CACNA1C: variants seen among roughly 807,000 people sequenced by gnomAD.
CACNA1C encodes calcium voltage-gated channel subunit alpha1 C, also known as voltage-dependent L-type calcium channel subunit alpha-1C.
CACNA1C carries 30 observed loss-of-function variants against 229.0 expected under a neutral mutation model. That is an observed-to-expected ratio of 0.13 (90% confidence interval 0.10 to 0.18). The LOEUF (loss-of-function observed/expected upper bound fraction) is 0.18. Ranked by LOEUF, CACNA1C falls within the 10% of genes least tolerant of loss-of-function variation. The pLI, the probability that CACNA1C is intolerant of heterozygous loss-of-function variation, is 1.00. For synonymous variants in CACNA1C, 1,114 were observed against 1,132.5 expected (o/e 0.98, Z 0.33); for missense variants, 1,658 against 2,845.0 (o/e 0.58, Z 9.49).
At chr12:2,444,225 G>A (rs944947253) in intron 3 of CACNA1C, among the ~76,000 whole-genome samples, 9 of 152,206 alleles carry the variant, frequency 5.9e-5, no homozygotes, top group Admixed American at 1.3e-4. Flanking sequence ...TGGCTTGAAG[G>A]TCAGAAAGTC....
intron 3 of CACNA1C, among the ~76,000 whole-genome samples, chr12:2,386,383 C>T (rs548068284): frequency 6.6e-6 from 1 of 152,284 alleles, no homozygotes; most frequent in South Asian, 2.1e-4. Context: ...GAGCAAGCCT[C>T]ATCTCTTAGA....
intron 11 of CACNA1C, among the ~76,000 whole-genome samples, chr12:2,565,373 A>G (rs1262370956): frequency 2.6e-5 from 4 of 151,130 alleles, no homozygotes; most frequent in Non-Finnish European, 4.4e-5. Context: ...AGGCTGAGGC[A>G]GGAGAATGGC....
intron 11 of CACNA1C, among the ~76,000 whole-genome samples, chr12:2,562,172 CAG>C (rs948082208): frequency 6.6e-6 from 1 of 151,798 alleles, no homozygotes; most frequent in Non-Finnish European, 1.5e-5. Context: ...GGCCACTCCT[CAG>C]GGGTCTGTGC....
At chr12:2,070,685 T>C (rs1047795166) in intron 1 of CACNA1C, among the ~76,000 whole-genome samples, 1 of 152,198 alleles carries the variant, frequency 6.6e-6, no homozygotes, top group Non-Finnish European at 1.5e-5. Context: ...TGAAAAGATA[T>C]ATTAGTGTTA....
chr12:2,661,274 CACACAT>C (rs1456695911), intron 34 of CACNA1C, among the ~76,000 whole-genome samples: 214 of 139,724 alleles, frequency 1.5e-3, no homozygotes, highest in Middle Eastern at 7.2e-3. Context: ...AACACATACA[CACACAT>C]ACACACACAC....
At chr12:2,344,732 C>T (rs1383500543) in intron 3 of CACNA1C, among the ~76,000 whole-genome samples, 1 of 152,042 alleles carries the variant, frequency 6.6e-6, no homozygotes, top group Non-Finnish European at 1.5e-5. Flanking sequence ...ACTGCAGGCA[C>T]TTGCCCAATG....
intron 7 of CACNA1C, among the ~76,000 whole-genome samples, chr12:2,499,853 T>C (rs1401017871): frequency 1.3e-5 from 2 of 152,176 alleles, no homozygotes; most frequent in Non-Finnish European, 2.9e-5. Context: ...AATAGCTCCA[T>C]TTCAGCTGCT....
At chr12:2,171,478 C>G (rs1446999804) in intron 3 of CACNA1C, among the ~76,000 whole-genome samples, 3 of 152,264 alleles carry the variant, frequency 2.0e-5, no homozygotes, top group Admixed American at 2.0e-4. Flanking sequence ...AGCTCACAGA[C>G]GGGGAGGTGG....
intron 30 of CACNA1C, among the ~76,000 whole-genome samples, chr12:2,643,121 G>A (rs146187009): frequency 6.6e-5 from 10 of 152,334 alleles, no homozygotes; most frequent in East Asian, 1.9e-4. Context: ...AAGACCCCTC[G>A]AGGGGAGTTC....
intron 1 of CACNA1C, among the ~76,000 whole-genome samples, chr12:1,978,024 T>C (rs753342821): frequency 1.8e-4 from 27 of 152,174 alleles, no homozygotes; most frequent in Non-Finnish European, 3.7e-4. Context: ...TGCTAGGAAA[T>C]TGACATTTAA....
chr12:2,148,119 TTAGAG>T (rs2094893610), intron 3 of CACNA1C, among the ~76,000 whole-genome samples: 1 of 151,274 alleles, frequency 6.6e-6, no homozygotes, highest in Non-Finnish European at 1.5e-5. Context: ...TGAAGGGACT[TTAGAG>T]TAGAGAAAGA....
intron 9 of CACNA1C, among the ~76,000 whole-genome samples, chr12:2,541,044 T>G (rs1361417640): frequency 1.3e-5 from 2 of 152,170 alleles, no homozygotes; most frequent in African/African-American, 4.8e-5. Flanking sequence ...AGTCTTCACA[T>G]CGTCTTCCCT....
At position 2,665,034 on chromosome 12, in the gene CACNA1C, A is replaced by T; in HGVS notation, c.4398+44A>T. 6.3e-7 allele frequency: 1 copy of T among 1,592,706 alleles called. No homozygotes were observed. The highest frequency in any genetic ancestry group is 8.6e-7 in the Non-Finnish European group (1 of 1,161,396). On this transcript the variant is annotated intron_variant, in intron 35 of 46. Transcript: ENST00000399655. This position sits in a 1 kb window ranked among gnomAD's most constrained non-coding sequence, Gnocchi z 5.9. ...CAACAGCCAGCAGCCATGACTGCCCAGTTCCAGGGCAGTCTGAACCGTCCA... is the reference window on the plus strand; with the variant it reads ...CAACAGCCAGCAGCCATGACTGCCCTGTTCCAGGGCAGTCTGAACCGTCCA...
At chr12:2,382,917 G>C (rs969786944) in intron 3 of CACNA1C, among the ~76,000 whole-genome samples, 1 of 152,094 alleles carries the variant, frequency 6.6e-6, no homozygotes, top group African/African-American at 2.4e-5. Flanking sequence ...GAAAGCCTTG[G>C]TATTAGTCAC....
rs1212607329 is a variant in CACNA1C, at chr12:2,665,453, T to C, written c.4399-128T>C. The C allele has an allele frequency of 1.0e-6, 1 of 981,504 alleles. No individual in the cohort carries two copies. The allele number at this position is 981,504 out of a possible 1,614,324, so 60.8% of individuals were successfully genotyped here. A position where few individuals can be genotyped will look rare whatever the true frequency, so the allele number is the denominator to read the frequency against. ...CAAGAGACCCAGGTTCTCAGGCTGG[T>C]AGGATGGATGACTGGTCTTTAGAAA... On this transcript the variant is annotated intron_variant, in intron 35 of 46. Coordinates refer to ENST00000399655, the MANE Select transcript of CACNA1C (RefSeq NM_000719.7). This position sits in a 1 kb window ranked among gnomAD's most constrained non-coding sequence, Gnocchi z 5.9.
chr12:2,192,656 T>C (rs983689211), intron 3 of CACNA1C, among the ~76,000 whole-genome samples: 2 of 152,172 alleles, frequency 1.3e-5, no homozygotes, highest in Non-Finnish European at 2.9e-5. Context: ...AACTGGAAAG[T>C]TGTCGTGAGA....
rs115853311 is a variant in CACNA1C at position 2,004,158 on chromosome 12, A to C, written c.139+32957A>C. On this transcript the variant is annotated intron_variant, in intron 1 of 46. Coordinates refer to the CACNA1C transcript ENST00000682462. ...CTCCACAACTTCGGCCTCAGTCCCC[A>C]GATCCACCCACTTCCAGGGCGTCAA... The C allele has an allele frequency of 3.1e-3, 4,220 of 1,381,128 alleles. 112 individuals carry two copies. The African/African-American group carries it at 0.057, about 19-fold the overall frequency. 85.6% of individuals were successfully genotyped at this position (1,381,128 alleles called of 1,614,324 possible). A position where few individuals can be genotyped will look rare whatever the true frequency, so the allele number is the denominator to read the frequency against.
At position 2,689,028 on chromosome 12, in the gene CACNA1C, C is replaced by G. The variant is rs2097673885; in HGVS notation, c.6117+249C>G. ...GGCAGAAACCACTGAGCAACTTATC[C>G]CTTATACTGCAGCTGCTCGACATGC... On this transcript the variant is annotated intron_variant, in intron 46 of 46. Transcript: ENST00000399655. This position sits in a 1 kb window ranked among gnomAD's most constrained non-coding sequence, Gnocchi z 4.2. Among the ~76,000 whole-genome samples the G allele has an allele frequency of 6.6e-6, 1 of 152,182 alleles. No homozygotes were observed. The highest frequency in any genetic ancestry group is 2.4e-5 in the African/African-American group (1 of 41,436).
rs1304602106 is a variant in CACNA1C, at chr12:2,467,477, C to T, written c.757+9771C>T. ...CTTTGCTGCCCCCAGGTCTCCCAGC[C>T]TCCCCAGAAGGGAGGAAGCCCCAGG... On this transcript the variant is annotated intron_variant, in intron 5 of 46. Transcript: ENST00000399655. This position sits in a 1 kb window ranked among gnomAD's most constrained non-coding sequence, Gnocchi z 4.6. 1.3e-5 allele frequency among the ~76,000 whole-genome samples: 2 copies of T among 152,136 alleles called. No individual in the cohort carries two copies. Among genetic ancestry groups the T allele is most frequent in the Admixed American group, 6.5e-5 (1 of 15,290 alleles).
Sources: allele counts gnomAD v4.1 joint callset (sites outside exome capture counted in the v4.1 genomes callset), GRCh38; gene constraint gnomAD v4.1.1; non-coding constraint Gnocchi (gnomAD v3.1); transcripts MANE v1.5; gene names NCBI Gene and HGNC (gene_info 2026-07-23, HGNC 2026-07-21).